Variants in UBE2E1 observed in about 807,000 individuals in gnomAD.
UBE2E1 encodes ubiquitin-conjugating enzyme E2 E1.
In UBE2E1, 6 loss-of-function variants were observed where a neutral mutation model predicts 21.4. That is an observed-to-expected ratio of 0.28 (90% confidence interval 0.15 to 0.55). The LOEUF (loss-of-function observed/expected upper bound fraction) is 0.55, where lower values mean the gene tolerates loss of function less well. Ranked by LOEUF, UBE2E1 falls within the 20% of genes least tolerant of loss-of-function variation. UBE2E1 has a pLI of 0.93. For missense variants in UBE2E1, 142 were observed against 236.5 expected (o/e 0.60, Z 2.62); for synonymous variants, 87 against 82.7 (o/e 1.05, Z -0.28).
chr3:23,846,299 A>T (rs544049367), intron 3 of UBE2E1, among the ~76,000 whole-genome samples: 1 of 152,182 alleles, frequency 6.6e-6, no homozygotes, highest in African/African-American at 2.4e-5. Context: ...GCAGTGGCCC[A>T]TTCCTGTAGT....
At chr3:23,815,225 A>T (rs1053630218) in intron 3 of UBE2E1, among the ~76,000 whole-genome samples, 1 of 152,152 alleles carries the variant, frequency 6.6e-6, no homozygotes, top group African/African-American at 2.4e-5. Context: ...CAAGCCGTCC[A>T]CCCACTTTGC....
Position 23,876,471 on chromosome 3 carries a change from T to C in UBE2E1, c.204-11096T>C, listed in dbSNP as rs1700916469. On this transcript the variant is annotated intron_variant, in intron 3 of 5. Coordinates refer to ENST00000306627, the MANE Select transcript of UBE2E1 (RefSeq NM_003341.5). This position sits in a 1 kb window ranked among gnomAD's most constrained non-coding sequence, Gnocchi z 4.3. ...GCTTTCACCCAGTATCTCTGGTAGATTGCTACCTTCATAGCTTATCTTCTC... is the reference window on the plus strand; with the variant it reads ...GCTTTCACCCAGTATCTCTGGTAGACTGCTACCTTCATAGCTTATCTTCTC... Among the ~76,000 whole-genome samples, 4 of 152,336 alleles carry C rather than the reference T, an allele frequency of 2.6e-5. No individual in the cohort carries two copies. Among genetic ancestry groups the C allele is most frequent in the Admixed American group, 2.6e-4 (4 of 15,298 alleles).
In UBE2E1 at chr3:23,881,980, C is replaced by T. The variant is rs143146093; in HGVS notation, c.204-5587C>T. Among the ~76,000 whole-genome samples the T allele has an allele frequency of 8.5e-4, 129 of 152,184 alleles. No homozygotes were observed. The East Asian group carries it at 0.02, about 24-fold the overall frequency. Reference sequence around the variant, plus strand: ...AGTTGTTTATTCCTTCTGGTGGGTTCGTGGTTTTGCTGGCCTCAGGAGTGA... The same window carrying T: ...AGTTGTTTATTCCTTCTGGTGGGTTTGTGGTTTTGCTGGCCTCAGGAGTGA... On this transcript the variant is annotated intron_variant, in intron 3 of 5. Coordinates refer to ENST00000306627, the MANE Select transcript of UBE2E1 (RefSeq NM_003341.5).
intron 3 of UBE2E1, among the ~76,000 whole-genome samples, chr3:23,885,402 T>TA (rs1701159119): frequency 6.6e-6 from 1 of 152,138 alleles, no homozygotes; most frequent in Non-Finnish European, 1.5e-5. Context: ...GCAATAATGG[T>TA]AATATCATTT....
intron 3 of UBE2E1, among the ~76,000 whole-genome samples, chr3:23,822,015 G>A (rs767814240): frequency 3.9e-5 from 6 of 152,208 alleles, no homozygotes; most frequent in South Asian, 2.1e-4. Flanking sequence ...GAGTGCCCAG[G>A]ATGAAGACTC....
intron 3 of UBE2E1, among the ~76,000 whole-genome samples, chr3:23,825,325 G>T (rs1447307711): frequency 2.0e-5 from 3 of 152,128 alleles, no homozygotes; most frequent in African/African-American, 7.2e-5. Flanking sequence ...GCCTGCCCTG[G>T]CTTATTCCAT....
intron 2 of UBE2E1, 119 bp downstream of exon 2, chr3:23,807,540 A>T (rs1699305402): frequency 7.6e-7 from 1 of 1,307,900 alleles, no homozygotes; most frequent in African/African-American, 1.5e-5. Context: ...TGTTCTTAAA[A>T]ATGAAAGAAG....
intron 3 of UBE2E1, among the ~76,000 whole-genome samples, chr3:23,881,188 A>G (rs1701030644): frequency 6.6e-6 from 1 of 152,218 alleles, no homozygotes; most frequent in Non-Finnish European, 1.5e-5. Flanking sequence ...CCTATTGTTT[A>G]CATACCTGTG....
At chr3:23,848,013 T>TA (rs1217155840) in intron 3 of UBE2E1, among the ~76,000 whole-genome samples, 1 of 152,192 alleles carries the variant, frequency 6.6e-6, no homozygotes, top group East Asian at 1.9e-4. Flanking sequence ...ACACAAATGG[T>TA]AACTTGCTGT....
In UBE2E1 at chr3:23,806,594, T is replaced by C. The variant is rs1270655537; in HGVS notation, c.-34+506T>C. Among the ~76,000 whole-genome samples the C allele has an allele frequency of 6.9e-6, 1 of 145,968 alleles. No individual in the cohort carries two copies. Among genetic ancestry groups the C allele is most frequent in the East Asian group, 2.1e-4 (1 of 4,672 alleles). Reference sequence around the variant, plus strand: ...CCGGACCCCCGCCCGGCCGCATAGCTGTGAGCAGGGCGGCCAGAGGCAGGC... The same window carrying C: ...CCGGACCCCCGCCCGGCCGCATAGCCGTGAGCAGGGCGGCCAGAGGCAGGC... On this transcript the variant is annotated intron_variant, in intron 1 of 5. Coordinates refer to ENST00000306627, the MANE Select transcript of UBE2E1 (RefSeq NM_003341.5). This position sits in a 1 kb window ranked among gnomAD's most constrained non-coding sequence, Gnocchi z 6.5.
At chr3:23,840,375 T>G (rs928537228) in intron 3 of UBE2E1, among the ~76,000 whole-genome samples, 1 of 152,234 alleles carries the variant, frequency 6.6e-6, no homozygotes, top group Non-Finnish European at 1.5e-5. Context: ...TTTGCCTTTT[T>G]GAGTGCTGCC....
rs1035081982 is a variant in UBE2E1 at position 23,841,990 on chromosome 3, A to G, written c.203+30480A>G. 2.0e-5 allele frequency among the ~76,000 whole-genome samples: 3 copies of G among 152,170 alleles called. No individual in the cohort carries two copies. The East Asian group carries it at 5.8e-4, about 29-fold the overall frequency. On this transcript the variant is annotated intron_variant, in intron 3 of 5. Coordinates refer to ENST00000306627, the MANE Select transcript of UBE2E1 (RefSeq NM_003341.5). Reference sequence around the variant, plus strand: ...CAAAATGGGATAATCTTTTACAAAAAACTTGAGGTACATGATTTAGTACTT... The same window carrying G: ...CAAAATGGGATAATCTTTTACAAAAGACTTGAGGTACATGATTTAGTACTT...
At chr3:23,864,796 C>G (rs72627042) in intron 3 of UBE2E1, among the ~76,000 whole-genome samples, 1 of 152,180 alleles carries the variant, frequency 6.6e-6, no homozygotes, top group African/African-American at 2.4e-5. Context: ...TCCTCTGAGT[C>G]GCTCATATTC....
intron 3 of UBE2E1, among the ~76,000 whole-genome samples, chr3:23,834,275 T>G (rs952687390): frequency 1.3e-5 from 2 of 152,170 alleles, no homozygotes; most frequent in Admixed American, 6.5e-5. Context: ...GGCAGATCAT[T>G]TAACCTCTAG....
intron 3 of UBE2E1, among the ~76,000 whole-genome samples, chr3:23,819,157 G>A (rs1056657235): frequency 7.3e-4 from 111 of 152,092 alleles, no homozygotes; most frequent in Non-Finnish European, 1.3e-3. Context: ...GGTGGCACGC[G>A]CCTGTAGTCC....
intron 3 of UBE2E1, among the ~76,000 whole-genome samples, chr3:23,843,686 C>T (rs1170814599): frequency 6.6e-6 from 1 of 151,980 alleles, no homozygotes; most frequent in East Asian, 1.9e-4. Flanking sequence ...GCTTCACAAG[C>T]ATCTTCCATA....
Position 23,806,434 on chromosome 3 carries a change from A to AG in UBE2E1, c.-34+350dup, listed in dbSNP as rs1426033225. Among the ~76,000 whole-genome samples the AG allele has an allele frequency of 8.0e-5, 12 of 149,372 alleles. No homozygotes were observed. The highest frequency in any genetic ancestry group is 4.3e-4 in the South Asian group (2 of 4,702). ...GAGTTGGGGGAGCCCCGTTTTCCCCAGGGGCGGGGGTTCGCGGGGATTAAC... is the reference window on the plus strand; with the variant it reads ...GAGTTGGGGGAGCCCCGTTTTCCCCAGGGGGCGGGGGTTCGCGGGGATTAAC... On this transcript the variant is annotated intron_variant, in intron 1 of 5. Coordinates refer to ENST00000306627, the MANE Select transcript of UBE2E1 (RefSeq NM_003341.5). This position sits in a 1 kb window ranked among gnomAD's most constrained non-coding sequence, Gnocchi z 6.5.
intron 4 of UBE2E1, chr3:23,888,309 T>C (rs1287233919): frequency 2.2e-6 from 1 of 456,008 alleles, no homozygotes; most frequent in South Asian, 1.6e-5. Flanking sequence ...TCTATGATTC[T>C]CATTCAGTCA....
intron 3 of UBE2E1, among the ~76,000 whole-genome samples, chr3:23,846,404 A>G (rs1700204112): frequency 1.3e-5 from 2 of 152,096 alleles, no homozygotes; most frequent in African/African-American, 4.8e-5. Context: ...GTCTCTTAAA[A>G]AAGAGAATGG....
Sources: allele counts gnomAD v4.1 joint callset (sites outside exome capture counted in the v4.1 genomes callset), GRCh38; gene constraint gnomAD v4.1.1; non-coding constraint Gnocchi (gnomAD v3.1); transcripts MANE v1.5; gene names NCBI Gene and HGNC (gene_info 2026-07-23, HGNC 2026-07-21).